The following DDX11 variants were observed in gnomAD, a reference collection of about 807,000 sequenced individuals.
DDX11 encodes DEAD/H-box helicase 11.
Under a neutral mutation model 125.2 loss-of-function variants are expected in DDX11, and 72 were observed. The observed-to-expected ratio is 0.58, with a 90% CI of 0.48 to 0.70. The LOEUF is 0.70. Among genes scored for constraint, DDX11 ranks in the 30% least tolerant of loss-of-function variants. The probability of loss-of-function intolerance (pLI) is 0.00; values close to 1 mark genes in which losing one functional copy is unlikely to be tolerated. For synonymous variants in DDX11, 347 were observed against 452.6 expected (o/e 0.77, Z 2.96); for missense variants, 883 against 1,165.0 (o/e 0.76, Z 3.52).
chr12:31,101,199 C>T lies in DDX11; in HGVS notation c.2052+69C>T, dbSNP rs1170486975. 67 of 1,320,114 alleles carry T rather than the reference C, an allele frequency of 5.1e-5. 1 individual carries two copies. The Middle Eastern group carries it at 5.4e-4, about 11-fold the overall frequency. 81.8% of individuals were successfully genotyped at this position (1,320,114 alleles called of 1,614,324 possible). ...AGCAAAGGGTTTTCTGGGGCAGGGG[C>T]GCTCTGGCCCACCCTGAGTGTTTTC... On this transcript the variant is annotated intron_variant, in intron 20 of 26. Transcript: ENST00000542838.
chr12:31,077,709 T>C (rs1246205737), intron 1 of DDX11, among the ~76,000 whole-genome samples: 2 of 151,324 alleles, frequency 1.3e-5, no homozygotes, highest in South Asian at 4.2e-4. Context: ...CTGGGCGTGG[T>C]GGCGGGCACC....
At chr12:31,076,974 C>T (rs1940811955) in intron 1 of DDX11, 1 of 153,354 alleles carries the variant, frequency 6.5e-6, no homozygotes, top group African/African-American at 2.4e-5. Flanking sequence ...TGCCACCAAT[C>T]TGTAGTCATT....
rs1345724899 is a variant in DDX11 at position 31,102,969 on chromosome 12, C to T, written c.2406C>T (p.Asn802=). The T allele has an allele frequency of 5.6e-6, 9 of 1,613,884 alleles. No homozygotes were observed. The highest frequency in any genetic ancestry group is 7.6e-6 in the Non-Finnish European group (9 of 1,179,876). The change falls in exon 24 of 27, where the codon AAC becomes AAT. Residue 802 remains asparagine, a synonymous_variant. Coordinates refer to ENST00000542838, the MANE Select transcript of DDX11 (RefSeq NM_030653.4). ...TGATGGTGGGCATGCCCTTCCCCAACATCAGGTCTGCAGAGCTGCAGGAGA... is the reference window on the plus strand; with the variant it reads ...TGATGGTGGGCATGCCCTTCCCCAATATCAGGTCTGCAGAGCTGCAGGAGA... ...CVVMVGMPFP[N]IRSAELQEKM... is the part of the protein sequence containing the mutation.
intron 2 of DDX11, among the ~76,000 whole-genome samples, chr12:31,080,409 A>G (rs1195978029): frequency 6.6e-6 from 1 of 151,844 alleles, no homozygotes; most frequent in Non-Finnish European, 1.5e-5. Context: ...CTCAGCTTCC[A>G]CTTAGAGCCC....
At position 31,096,782 on chromosome 12, in the gene DDX11, C is replaced by T. The variant is rs564015937; in HGVS notation, c.1630+37C>T. ...GGGTGGGCAGGCAGAGCCGGCTGCA[C>T]GCATGGGCAAGGACTTCTGTTCCTC... On this transcript the variant is annotated intron_variant, in intron 16 of 26. Transcript: ENST00000542838. The T allele has an allele frequency of 1.4e-5, 22 of 1,614,170 alleles. No individual in the cohort carries two copies. In the East Asian group the frequency reaches 3.6e-4, roughly 26 times the overall value.
At chr12:31,075,281 TG>T (rs1456242578) in intron 1 of DDX11, among the ~76,000 whole-genome samples, 1 of 115,420 alleles carries the variant, frequency 8.7e-6, no homozygotes, top group Non-Finnish European at 1.7e-5. Flanking sequence ...TTACCACTGA[TG>T]GGGAAGTGAA....
chr12:31,076,647 A>G (rs915564688), intron 1 of DDX11, among the ~76,000 whole-genome samples: 2 of 152,220 alleles, frequency 1.3e-5, no homozygotes, highest in African/African-American at 4.8e-5. Flanking sequence ...TAAATGAGAT[A>G]ATAAAAGCAA....
chr12:31,087,822 G>A (rs1399337016), intron 5 of DDX11, 116 bp from the exon 6 acceptor site: 19 of 1,496,802 alleles, frequency 1.3e-5, no homozygotes, highest in Non-Finnish European at 1.6e-5. Flanking sequence ...TGCTACCTTG[G>A]TGGAACCCAT....
chr12:31,093,122 G>A (rs906267633), intron 11 of DDX11, 123 bp from the exon 12 acceptor site: 23 of 1,183,582 alleles, frequency 1.9e-5, no homozygotes, highest in East Asian at 2.6e-5. Flanking sequence ...CCTGCTCTCT[G>A]GGAAAGGATT....
chr12:31,103,081 C>T, intron 24 of DDX11, 61 bp downstream of exon 24: 7 of 1,578,366 alleles, frequency 4.4e-6, no homozygotes, highest in Non-Finnish European at 5.2e-6. Context: ...GGAGTGGCAT[C>T]ACCCCCAGGG....
intron 13 of DDX11, 54 bp from the exon 14 acceptor site, chr12:31,094,701 G>A (rs1944909477): frequency 6.3e-7 from 1 of 1,575,400 alleles, no homozygotes. Flanking sequence ...CCCTGGGACT[G>A]AAACCTGAGG....
intron 2 of DDX11, 130 bp from the exon 3 acceptor site, chr12:31,083,683 T>C: frequency 2.5e-6 from 3 of 1,221,608 alleles, no homozygotes; most frequent in Non-Finnish European, 3.6e-6. Context: ...TTTCCTTTCC[T>C]AGGCTGGTCT....
intron 23 of DDX11, 77 bp downstream of exon 23, chr12:31,102,604 G>C: frequency 6.5e-6 from 9 of 1,374,712 alleles, no homozygotes; most frequent in Non-Finnish European, 9.3e-6. Flanking sequence ...GCCCCTGCCT[G>C]CTCTCTGCTG....
chr12:31,077,712 C>T (rs1490992606), intron 1 of DDX11, among the ~76,000 whole-genome samples: 9 of 151,740 alleles, frequency 5.9e-5, no homozygotes, highest in Admixed American at 2.0e-4. Context: ...GGCGTGGTGG[C>T]GGGCACCTGT....
At chr12:31,094,902 T>C in intron 14 of DDX11, 80 bp downstream of exon 14, 1 of 1,533,270 alleles carries the variant, frequency 6.5e-7, no homozygotes. Flanking sequence ...ATGTTAAGAC[T>C]GTAGAAGGAA....
chr12:31,097,483 A>G (rs1945484932), intron 17 of DDX11, among the ~76,000 whole-genome samples: 1 of 150,344 alleles, frequency 6.7e-6, no homozygotes, highest in Non-Finnish European at 1.5e-5. Context: ...GATCGAGACC[A>G]TCCTGGCTAA....
Position 31,102,439 on chromosome 12 carries a change from G to A in DDX11, c.2284G>A (p.Glu762Lys), listed in dbSNP as rs1946557708. Residue 762 changes from glutamate to lysine, a missense_variant, in exon 23 of 27, where the codon GAG (glutamate) becomes AAG (lysine). By Grantham distance (56) the Glu-to-Lys change is moderately conservative. Transcript: ENST00000542838. ...YSRCIQACGQ[E>K]RGQVTGALLL... is the part of the protein sequence containing the mutation. ...GTTTCTCCTACAGGCCTGTGGCCAG[G>A]AGAGAGGCCAGGTGACAGGGGCCCT... The A allele has an allele frequency of 6.2e-6, 10 of 1,614,134 alleles. No homozygotes were observed. Among genetic ancestry groups the A allele is most frequent in the Non-Finnish European group, 8.5e-6 (10 of 1,179,966 alleles).
chr12:31,084,461 G>A, intron 3 of DDX11, 122 bp from the exon 4 acceptor site: 1 of 908,422 alleles, frequency 1.1e-6, no homozygotes, highest in Admixed American at 2.0e-5. Context: ...GCCCTTGAGT[G>A]CTGGCCGGGG....
intron 6 of DDX11, among the ~76,000 whole-genome samples, chr12:31,088,570 GGTATTTTCTTT>G (rs1375776445): frequency 7.0e-6 from 1 of 143,300 alleles, no homozygotes; most frequent in Non-Finnish European, 1.5e-5. Context: ...GTCGGAAGTA[GGTATTTTCTTT>G]GTATTTTCTT....
Sources: gnomAD v4.1 joint callset for allele counts (sites outside exome capture counted in the v4.1 genomes callset) on GRCh38, gnomAD v4.1.1 for gene constraint, MANE v1.5 for transcripts, NCBI Gene and HGNC (gene_info 2026-07-23, HGNC 2026-07-21) for gene names.